The following LUZP2 variants were observed in gnomAD, a reference collection of about 807,000 sequenced individuals.
LUZP2 encodes the protein leucine zipper protein 2.
In LUZP2, 52 loss-of-function variants were observed where a neutral mutation model predicts 51.6. The observed-to-expected ratio is 1.01, with a 90% CI of 0.81 to 1.27. LUZP2 has a LOEUF of 1.27. LUZP2 is among the 50% of genes most tolerant of loss of function. The pLI is 0.00. For synonymous variants in LUZP2, 154 were observed against 137.3 expected (o/e 1.12, Z -0.85); for missense variants, 436 against 395.4 (o/e 1.10, Z -0.87).
chr11:24,726,991 C>T (rs1858505651), intron 1 of LUZP2, among the ~76,000 whole-genome samples: 1 of 152,102 alleles, frequency 6.6e-6, no homozygotes, highest in African/African-American at 2.4e-5. Context: ...ATTCTGCCAA[C>T]ATTTTCCTGA....
At chr11:25,023,701 C>A (rs537830438) in intron 9 of LUZP2, among the ~76,000 whole-genome samples, 1 of 152,006 alleles carries the variant, frequency 6.6e-6, no homozygotes, top group Admixed American at 6.6e-5. Flanking sequence ...GCTCTTGCTT[C>A]TCTAGTTATT....
chr11:25,078,136 A>C (rs1859368562), intron 11 of LUZP2, among the ~76,000 whole-genome samples: 1 of 152,218 alleles, frequency 6.6e-6, no homozygotes. Flanking sequence ...AACAAACAAA[A>C]TAAACACAAG....
intron 5 of LUZP2, among the ~76,000 whole-genome samples, chr11:24,857,626 C>T (rs1851610879): frequency 6.6e-6 from 1 of 150,720 alleles, no homozygotes; most frequent in African/African-American, 2.4e-5. Context: ...ATGTAAAACA[C>T]TTAGAGTAGT....
intron 5 of LUZP2, among the ~76,000 whole-genome samples, chr11:24,899,805 TA>T (rs1853217486): frequency 6.6e-6 from 1 of 152,062 alleles, no homozygotes; most frequent in Non-Finnish European, 1.5e-5. Context: ...CATGAAGCAA[TA>T]ACTGACAGAC....
At chr11:24,633,970 A>G (rs1228880775) in intron 1 of LUZP2, among the ~76,000 whole-genome samples, 1 of 151,128 alleles carries the variant, frequency 6.6e-6, no homozygotes, top group Admixed American at 6.6e-5. Context: ...GTGTGTATAT[A>G]TAGTCTGTCT....
chr11:24,970,925 T>G (rs1855720647), intron 7 of LUZP2, among the ~76,000 whole-genome samples: 1 of 152,174 alleles, frequency 6.6e-6, no homozygotes. Flanking sequence ...GAATTTACAT[T>G]AAGAATGTGG....
At chr11:25,034,342 G>T (rs1428504887) in intron 9 of LUZP2, among the ~76,000 whole-genome samples, 1 of 152,028 alleles carries the variant, frequency 6.6e-6, no homozygotes, top group Non-Finnish European at 1.5e-5. Context: ...TAGATGCCTA[G>T]TTTACAAATA....
At chr11:24,619,785 C>T (rs889057016) in intron 1 of LUZP2, among the ~76,000 whole-genome samples, 1 of 152,076 alleles carries the variant, frequency 6.6e-6, no homozygotes, top group Non-Finnish European at 1.5e-5. Context: ...ATTTGTTATA[C>T]TGCATTGTTT....
intron 5 of LUZP2, among the ~76,000 whole-genome samples, chr11:24,855,475 A>C (rs1851533172): frequency 6.6e-6 from 1 of 152,352 alleles, no homozygotes; most frequent in Middle Eastern, 3.4e-3. Context: ...GATTATGCAA[A>C]CTAATGGAAA....
intron 5 of LUZP2, among the ~76,000 whole-genome samples, chr11:24,792,827 T>G (rs1384698981): frequency 6.6e-6 from 1 of 152,196 alleles, no homozygotes; most frequent in African/African-American, 2.4e-5. Context: ...GAACTTGGTG[T>G]CAGGATTGGG....
intron 9 of LUZP2, 47 bp from the exon 10 acceptor site, chr11:25,049,991 T>C: frequency 9.0e-7 from 1 of 1,106,230 alleles, no homozygotes; most frequent in Non-Finnish European, 1.3e-6. Flanking sequence ...CTATTTCTCT[T>C]GTATTTAGTG....
intron 1 of LUZP2, among the ~76,000 whole-genome samples, chr11:24,721,784 C>G (rs1370604306): frequency 6.6e-6 from 1 of 152,068 alleles, no homozygotes; most frequent in African/African-American, 2.4e-5. Context: ...AATTGACAAA[C>G]CAATTCTAAA....
At chr11:24,917,559 C>G (rs35367817) in intron 7 of LUZP2, among the ~76,000 whole-genome samples, 73,328 of 151,230 alleles carry the variant, frequency 0.48, 18,134 homozygotes, top group East Asian at 0.82. Flanking sequence ...ATATGGCTAG[C>G]CAGTTTTCCC....
chr11:24,738,377 G>A (rs1220047076), intron 4 of LUZP2, 75 bp downstream of exon 4: 2 of 969,808 alleles, frequency 2.1e-6, no homozygotes, highest in East Asian at 4.9e-5. Flanking sequence ...AAATCACTAT[G>A]GAACAAACAC....
At chr11:25,048,641 A>T (rs1191395785) in intron 9 of LUZP2, among the ~76,000 whole-genome samples, 1 of 152,098 alleles carries the variant, frequency 6.6e-6, no homozygotes, top group Admixed American at 6.6e-5. Flanking sequence ...CTGTTTAATT[A>T]TTTTTTAATC....
chr11:24,673,475 G>T (rs1478542207), intron 1 of LUZP2, among the ~76,000 whole-genome samples: 1 of 152,132 alleles, frequency 6.6e-6, no homozygotes, highest in Non-Finnish European at 1.5e-5. Flanking sequence ...GGGTGGTCAT[G>T]GGTGTTAAGA....
chr11:24,863,984 G>A (rs545907865), intron 5 of LUZP2, among the ~76,000 whole-genome samples: 1 of 152,028 alleles, frequency 6.6e-6, no homozygotes, highest in South Asian at 2.1e-4. Context: ...GTATATTTTA[G>A]TGGAAAAAAT....
At chr11:25,066,568 GC>G (rs1201371540) in intron 10 of LUZP2, among the ~76,000 whole-genome samples, 5 of 151,908 alleles carry the variant, frequency 3.3e-5, no homozygotes, top group African/African-American at 1.2e-4. Flanking sequence ...GTGTTATTTA[GC>G]TAAATTCATG....
At chr11:24,574,645 G>T in intron 1 of LUZP2, among the ~76,000 whole-genome samples, 1 of 152,034 alleles carries the variant, frequency 6.6e-6, no homozygotes, top group Admixed American at 6.6e-5. Context: ...GAGCACTGGG[G>T]TGAGTAAGTG....
Sources: gnomAD v4.1 joint callset for allele counts (sites outside exome capture counted in the v4.1 genomes callset) on GRCh38, gnomAD v4.1.1 for gene constraint, MANE v1.5 for transcripts, NCBI Gene and HGNC (gene_info 2026-07-23, HGNC 2026-07-21) for gene names.